The following NCF2 variants were observed in gnomAD, a reference collection of about 807,000 sequenced individuals.
NCF2 encodes the protein neutrophil cytosol factor 2.
Under a neutral mutation model 70.9 loss-of-function variants are expected in NCF2, and 45 were observed. That is an observed-to-expected ratio of 0.63 (90% confidence interval 0.50 to 0.81). The LOEUF is 0.81. Ranked by LOEUF, NCF2 falls within the 40% of genes least tolerant of loss-of-function variation. The probability of loss-of-function intolerance (pLI) is 0.00; values close to 1 mark genes in which losing one functional copy is unlikely to be tolerated. For synonymous variants in NCF2, 203 were observed against 233.6 expected (o/e 0.87, Z 1.19); for missense variants, 522 against 631.6 (o/e 0.83, Z 1.86).
the NCF2 span, chr1:183,597,940 G>C: frequency 6.6e-6 from 1 of 152,330 alleles, no homozygotes; most frequent in East Asian, 1.9e-4. Flanking sequence ...TACTGCCTGA[G>C]TCCTGGCTGG....
chr1:183,579,497 C>T (rs564293122), intron 2 of NCF2, among the ~76,000 whole-genome samples: 11 of 151,968 alleles, frequency 7.2e-5, no homozygotes, highest in East Asian at 5.8e-4. Flanking sequence ...GAGACCGAGG[C>T]GGGTGGATCA....
At chr1:183,599,084 G>A in the NCF2 span, among the ~76,000 whole-genome samples, 14 of 152,184 alleles carry the variant, frequency 9.2e-5, no homozygotes, top group African/African-American at 3.4e-4. Flanking sequence ...AATAAGTCAG[G>A]TCAAAACAAA....
At chr1:183,565,884 T>C (rs1572153651) in intron 9 of NCF2, 105 bp from the exon 10 acceptor site, 12 of 1,106,566 alleles carry the variant, frequency 1.1e-5, no homozygotes, top group Non-Finnish European at 1.6e-5. Context: ...AGGAGCCACA[T>C]GCAGATAACG....
In NCF2 at chr1:183,556,153, T is replaced by TCTTCAACAAA; in HGVS notation, c.1545_1546insTTTGTTGAAG (p.Thr516PhefsTer36). On this transcript the variant is annotated frameshift_variant, in exon 15 of 15. Coordinates refer to ENST00000367535, the MANE Select transcript of NCF2 (RefSeq NM_000433.4). LOFTEE classifies it high-confidence loss of function. ...CTCCGAGTGCTTTCCAAATCTGTAG[T>TCTTCAACAAA]TGCGCAGTCTTCAACAAAAACTTTG... 1 of 1,614,220 alleles carries TCTTCAACAAA rather than the reference T, an allele frequency of 6.2e-7. No individual in the cohort carries two copies. The highest frequency in any genetic ancestry group is 1.1e-5 in the South Asian group (1 of 91,076).
At chr1:183,557,674 G>A (rs1046858942) in intron 14 of NCF2, among the ~76,000 whole-genome samples, 1 of 152,112 alleles carries the variant, frequency 6.6e-6, no homozygotes, top group African/African-American at 2.4e-5. Context: ...GACGCATACT[G>A]GCTTCTCTCC....
Position 183,560,180 on chromosome 1 carries a change from CT to C in NCF2, c.1383del (p.Val462TrpfsTer22). 1 of 1,614,204 alleles carries C rather than the reference CT, an allele frequency of 6.2e-7. No individual in the cohort carries two copies. Among genetic ancestry groups the C allele is most frequent in the Non-Finnish European group, 8.5e-7 (1 of 1,180,046 alleles). On this transcript the variant is annotated frameshift_variant, in exon 14 of 15. Coordinates refer to ENST00000367535, the MANE Select transcript of NCF2 (RefSeq NM_000433.4). LOFTEE classifies it high-confidence loss of function. ...TTEPQLKKGS[Q>X]VEALFSYEAT... is the part of the protein sequence containing the mutation. ...GCCTCATAACTGAAGAGTGCCTCCA[CT>C]TGGCTGCCTTTCTTAAGCTGAGGTT...
At position 183,590,276 on chromosome 1, in the gene NCF2, G is replaced by A; in HGVS notation, c.54C>T (p.Asp18=). The A allele has an allele frequency of 6.2e-7, 1 of 1,614,066 alleles. No homozygotes were observed. Among genetic ancestry groups the A allele is most frequent in the Non-Finnish European group, 8.5e-7 (1 of 1,180,024 alleles). Residue 18 remains aspartate (D), a synonymous_variant, in exon 1 of 15, where the codon GAC becomes GAT. Coordinates refer to ENST00000367535, the MANE Select transcript of NCF2 (RefSeq NM_000433.4). ...CCAGGGCTCCCTTCCAGTCCTTCTT[G>A]TCCGCTGCCAGCACCCCTTCATTCC... The part of the protein sequence containing the change: ...SLWNEGVLAA[D]KKDWKGALDA...
intron 2 of NCF2, among the ~76,000 whole-genome samples, chr1:183,585,926 A>T (rs1172887131): frequency 6.6e-6 from 1 of 152,248 alleles, no homozygotes; most frequent in Non-Finnish European, 1.5e-5. Flanking sequence ...TTTTCCTATA[A>T]TCCCACCATC....
chr1:183,590,835 C>T (rs1673607881), upstream of NCF2: 1 of 174,770 alleles, frequency 5.7e-6, no homozygotes, highest in South Asian at 1.1e-4. Flanking sequence ...CTGGTGAAAC[C>T]CCACCTTCAA....
intron 2 of NCF2, among the ~76,000 whole-genome samples, chr1:183,585,589 C>T (rs1327973032): frequency 1.5e-5 from 2 of 135,554 alleles, no homozygotes; most frequent in South Asian, 2.2e-4. Context: ...CGCGCCACTG[C>T]ACTCCAGCCT....
In NCF2 at chr1:183,560,592, G is replaced by C. The variant is rs142362100; in HGVS notation, c.1291-319C>G. 3.0e-3 allele frequency among the ~76,000 whole-genome samples: 463 copies of C among 152,252 alleles called. 3 individuals carry two copies. Among genetic ancestry groups the C allele is most frequent in the African/African-American group, 0.011 (439 of 41,540 alleles). On this transcript the variant is annotated intron_variant, in intron 13 of 14. Transcript: ENST00000367535. ...TCGTCAGGCATTAGATTCTCATAAA[G>C]AGCATGCGACCTAGATCCCTTGCAT...
At position 183,590,406 on chromosome 1, in the gene NCF2, G is replaced by T; in HGVS notation, c.-77C>A. The T allele has an allele frequency of 6.4e-7, 1 of 1,560,472 alleles. No homozygotes were observed. On this transcript the variant is annotated 5_prime_UTR_variant, in exon 1 of 15. The change creates a new upstream start codon in the 5' untranslated region. Coordinates refer to ENST00000367535, the MANE Select transcript of NCF2 (RefSeq NM_000433.4). ...ACAGGTTGGAGCGTCTCCCCTAGCA[G>T]GGCTGCCTTAGTGGCCCCCAAGGTG...
chr1:183,574,612 T>C lies in NCF2; in HGVS notation c.376A>G (p.Asn126Asp). 6.2e-7 allele frequency: 1 copy of C among 1,614,182 alleles called. No individual in the cohort carries two copies. Among genetic ancestry groups the C allele is most frequent in the Non-Finnish European group, 8.5e-7 (1 of 1,180,036 alleles). Residue 126 changes from asparagine (N) to aspartate (D), a missense_variant, in exon 4 of 15, where the codon AAC becomes GAC. Coordinates refer to ENST00000367535, the MANE Select transcript of NCF2 (RefSeq NM_000433.4). ...TTCTTGGCATACATGAAAGCAATGT[T>C]ATATAACACCTAGAAAAGTACAGAC... Reference protein sequence around the residue: ...FKLFACEVLYNIAFMYAKKEE... With the variant: ...FKLFACEVLYDIAFMYAKKEE...
At chr1:183,570,660 G>A (rs1202312057) in intron 6 of NCF2, 120 bp downstream of exon 6, 1 of 1,013,656 alleles carries the variant, frequency 9.9e-7, no homozygotes, top group Admixed American at 1.9e-5. Flanking sequence ...CAGCTGCACT[G>A]AGGGCCACTT....
rs754301658 is a variant in NCF2, at chr1:183,579,523, G to A, written c.258-1816C>T. ...GGGTGGATCACGAGGTCAGGAGATC[G>A]AGACCATCCTGGCTAAAATGGTGAA... is the stretch of plus-strand genomic sequence containing the variant. On this transcript the variant is annotated intron_variant, in intron 2 of 14. Transcript: ENST00000367535. Among the ~76,000 whole-genome samples, 6 of 152,034 alleles carry A rather than the reference G, an allele frequency of 3.9e-5. No individual in the cohort carries two copies. In the East Asian group the frequency reaches 5.8e-4, roughly 15 times the overall value.
chr1:183,582,851 C>T (rs946370754), intron 2 of NCF2, among the ~76,000 whole-genome samples: 4 of 152,244 alleles, frequency 2.6e-5, no homozygotes, highest in African/African-American at 4.8e-5. Flanking sequence ...GCTAGAGAGG[C>T]GAGACAGCTT....
chr1:183,561,807 T>G (rs1327352622), intron 13 of NCF2, among the ~76,000 whole-genome samples: 1 of 55,302 alleles, frequency 1.8e-5, no homozygotes, highest in East Asian at 5.8e-4. Context: ...TTTTTTTTTT[T>G]TTTTTTTTTT....
chr1:183,596,837 C>T, the NCF2 span, among the ~76,000 whole-genome samples: 1 of 152,118 alleles, frequency 6.6e-6, no homozygotes, highest in Non-Finnish European at 1.5e-5. Flanking sequence ...TCACATCCTA[C>T]GTAAAGTCTT....
At chr1:183,592,598 C>T (rs1054022196), upstream of NCF2, among the ~76,000 whole-genome samples, 4 of 152,132 alleles carry the variant, frequency 2.6e-5, no homozygotes, top group Non-Finnish European at 4.4e-5. Flanking sequence ...TGGTAAATGA[C>T]CTGCAGGTAG....
Sources: allele counts gnomAD v4.1 joint callset (sites outside exome capture counted in the v4.1 genomes callset), GRCh38; gene constraint gnomAD v4.1.1; transcripts MANE v1.5; gene names NCBI Gene and HGNC (gene_info 2026-07-23, HGNC 2026-07-21).